Variants in DDX50 observed in about 807,000 individuals in gnomAD.
DDX50 encodes the protein ATP-dependent RNA helicase DDX50.
In DDX50, 56 loss-of-function variants were observed where a neutral mutation model predicts 94.8. That is an observed-to-expected ratio of 0.59 (90% CI 0.48 to 0.74). The LOEUF (loss-of-function observed/expected upper bound fraction) is 0.74. Among genes scored for constraint, DDX50 ranks in the 30% least tolerant of loss-of-function variants. The probability of loss-of-function intolerance (pLI) is 0.00; values close to 1 mark genes in which losing one functional copy is unlikely to be tolerated. For synonymous variants in DDX50, 264 were observed against 295.4 expected, an observed-to-expected ratio of 0.89 and a Z score of 1.09; for missense variants, 713 against 881.2, an observed-to-expected ratio of 0.81 and a Z score of 2.42.
At position 68,946,511 on chromosome 10, in the gene DDX50, G is replaced by A. The variant is rs765452017; in HGVS notation, c.2095G>A (p.Gly699Ser). ...AGGCCGGTCAGGTGGTCGATCTGGC[G>A]GCCGGTCAGGTAGACAGAGTCGACA... is the stretch of plus-strand genomic sequence containing the variant. Reference protein sequence around the residue: ...RSGRSGGRSGGRSGRQSRQGS... With the variant: ...RSGRSGGRSGSRSGRQSRQGS... The change falls in exon 15 of 15, where the codon GGC becomes AGC. Residue 699 changes from glycine (G) to serine (S), a missense_variant. By Grantham distance (56) the Gly-to-Ser change is moderately conservative (BLOSUM62 0). Around this residue, in one of 2 missense-constraint regions of DDX50, gnomAD observed 428 missense variants for 602.3 expected, o/e 0.71. Transcript: ENST00000373585. 1.4e-5 allele frequency: 23 copies of A among 1,614,060 alleles called. No homozygotes were observed. Among genetic ancestry groups the A allele is most frequent in the African/African-American group, 1.1e-4 (8 of 74,932 alleles).
At position 68,934,886 on chromosome 10, in the gene DDX50, A is replaced by G. The variant is rs1470646492; in HGVS notation, c.1489A>G (p.Arg497Gly). ...ICICFYQPRE[R>G]GQLRYVEQKA... ...TATATGTTTTTATCAACCAAGAGAA[A>G]GAGGTCAACTAAGATATGTGGAACA... is the stretch of plus-strand genomic sequence containing the variant. Residue 497 changes from arginine (R) to glycine (G), a missense_variant, in exon 10 of 15, where the codon AGA becomes GGA. Transcript: ENST00000373585. The surrounding 1 kb of genome is among the most constrained non-coding windows in gnomAD (Gnocchi z 4.0). 1.2e-6 allele frequency: 2 copies of G among 1,613,280 alleles called. No homozygotes were observed. Among genetic ancestry groups the G allele is most frequent in the Non-Finnish European group, 1.7e-6 (2 of 1,179,554 alleles).
Position 68,925,968 on chromosome 10 carries a change from C to T in DDX50, c.1239+5987C>T, listed in dbSNP as rs1466582250. Among the ~76,000 whole-genome samples, 9 of 147,188 alleles carry T rather than the reference C, an allele frequency of 6.1e-5. No individual in the cohort carries two copies. The East Asian group carries it at 6.3e-4, about 10-fold the overall frequency. On this transcript the variant is annotated intron_variant, in intron 8 of 14. Coordinates refer to ENST00000373585, the MANE Select transcript of DDX50 (RefSeq NM_024045.2). ...GGCAGAGGTTGCAGTGAGCCGAGAT[C>T]GCGCCATTGCACTCCATCCTGGGCA...
chr10:68,908,637 C>CTT (rs1157178909), intron 2 of DDX50, among the ~76,000 whole-genome samples: 2,358 of 95,788 alleles, frequency 0.025, 100 homozygotes, highest in Non-Finnish European at 0.039. Flanking sequence ...TTAAAATTTC[C>CTT]TTTTTTTTTT....
chr10:68,924,107 G>A (rs1475672851), intron 8 of DDX50, among the ~76,000 whole-genome samples: 1 of 150,910 alleles, frequency 6.6e-6, no homozygotes, highest in African/African-American at 2.4e-5. Context: ...AGAGTTGCTG[G>A]GATTATAGTC....
intron 1 of DDX50, among the ~76,000 whole-genome samples, chr10:68,902,173 C>T (rs1841307874): frequency 6.9e-6 from 1 of 145,450 alleles, no homozygotes; most frequent in Non-Finnish European, 1.5e-5. Flanking sequence ...CTTTCCTCCT[C>T]CCAGCCCCCT....
rs562728640 is a variant in DDX50 at position 68,919,123 on chromosome 10, T to C, written c.1090-709T>C. Among the ~76,000 whole-genome samples, 4 of 152,314 alleles carry C rather than the reference T, an allele frequency of 2.6e-5. No individual in the cohort carries two copies. The East Asian group carries it at 7.7e-4, about 29-fold the overall frequency. On this transcript the variant is annotated intron_variant, in intron 7 of 14. Transcript: ENST00000373585. ...ACCCTAGGTTTGTGTAAGTACACTC[T>C]TTGATGTTTGCGTAATGATGAAGCT...
chr10:68,935,192 G>GTGCAGCAT (rs1842375198), intron 10 of DDX50, among the ~76,000 whole-genome samples: 2 of 152,040 alleles, frequency 1.3e-5, no homozygotes, highest in South Asian at 4.1e-4. Flanking sequence ...GTACTTCTTA[G>GTGCAGCAT]TGTAAATGGG....
chr10:68,946,688 T>C lies in DDX50; in HGVS notation c.*58T>C. 3 of 1,553,414 alleles carry C rather than the reference T, an allele frequency of 1.9e-6. No individual in the cohort carries two copies. In the South Asian group the frequency reaches 3.6e-5, roughly 19 times the overall value. On this transcript the variant is annotated 3_prime_UTR_variant, in exon 15 of 15. Coordinates refer to ENST00000373585, the MANE Select transcript of DDX50 (RefSeq NM_024045.2). ...GCCTATTTCTGCCTAATCATGTACA[T>C]TATCCACCAAAAATTAGGTCATCAT... is the stretch of plus-strand genomic sequence containing the variant.
At chr10:68,912,445 C>T (rs1841654521) in intron 4 of DDX50, among the ~76,000 whole-genome samples, 1 of 152,114 alleles carries the variant, frequency 6.6e-6, no homozygotes, top group Non-Finnish European at 1.5e-5. Flanking sequence ...AACTCCTGGC[C>T]TCAAGTGATC....
intron 14 of DDX50, among the ~76,000 whole-genome samples, chr10:68,945,594 A>G (rs1280292968): frequency 2.6e-5 from 4 of 152,178 alleles, no homozygotes; most frequent in African/African-American, 9.7e-5. Flanking sequence ...GACATGAGCT[A>G]CTGTGCCCGG....
chr10:68,913,570 A>G lies in DDX50; in HGVS notation c.937A>G (p.Lys313Glu), dbSNP rs1460880496. The G allele has an allele frequency of 6.2e-7, 1 of 1,611,888 alleles. No homozygotes were observed. The highest frequency in any genetic ancestry group is 2.2e-5 in the East Asian group (1 of 44,846). ...QVEDIIHESY[K>E]TDSEDNPQTL... is the part of the protein sequence containing the mutation. ...TGAAGATATTATTCATGAATCCTAC[A>G]AAACTGGTATATCCTAATTCAAAAT... The change falls in exon 6 of 15, where the codon AAA becomes GAA. Residue 313 changes from lysine (K) to glutamate (E), a missense_variant. Lys to Glu is a moderately conservative substitution (Grantham distance 56, BLOSUM62 1). This residue lies in a region of DDX50 where 428 missense variants were observed against 602.3 expected (regional missense o/e 0.71). Coordinates refer to ENST00000373585, the MANE Select transcript of DDX50 (RefSeq NM_024045.2).
chr10:68,929,347 C>T (rs1842184938), intron 8 of DDX50, among the ~76,000 whole-genome samples: 1 of 149,262 alleles, frequency 6.7e-6, no homozygotes, highest in Non-Finnish European at 1.5e-5. Flanking sequence ...TTCCTTCCTT[C>T]CTTCTTTCCT....
intron 3 of DDX50, 57 bp from the exon 4 acceptor site, chr10:68,911,011 A>G (rs1248453377): frequency 1.6e-6 from 2 of 1,254,356 alleles, no homozygotes; most frequent in Admixed American, 2.7e-5. Flanking sequence ...TCAAATGAAT[A>G]TATTTTTTCC....
intron 8 of DDX50, among the ~76,000 whole-genome samples, chr10:68,924,274 AT>A (rs937340458): frequency 6.6e-4 from 97 of 146,702 alleles, no homozygotes; most frequent in South Asian, 8.6e-4. Flanking sequence ...GTCTGCCAAA[AT>A]TTTTTTTTTT....
intron 8 of DDX50, among the ~76,000 whole-genome samples, chr10:68,920,314 ACAATGCCCAGCT>A (rs1478890829): frequency 6.6e-6 from 1 of 151,956 alleles, no homozygotes; most frequent in Non-Finnish European, 1.5e-5. Context: ...GGTGCGTGCC[ACAATGCCCAGCT>A]CATTTTTTGC....
At chr10:68,902,289 G>GA (rs1564596675) in intron 1 of DDX50, among the ~76,000 whole-genome samples, 1 of 151,372 alleles carries the variant, frequency 6.6e-6, no homozygotes, top group African/African-American at 2.4e-5. Flanking sequence ...TATTACTGGA[G>GA]ACATTTGACC....
At chr10:68,932,609 A>G (rs1324082257) in intron 8 of DDX50, among the ~76,000 whole-genome samples, 1 of 152,166 alleles carries the variant, frequency 6.6e-6, no homozygotes. Flanking sequence ...CAGGAATACT[A>G]GGAAGTGTAT....
chr10:68,910,234 G>T, intron 2 of DDX50, 73 bp from the exon 3 acceptor site: 1 of 1,239,986 alleles, frequency 8.1e-7, no homozygotes, highest in Non-Finnish European at 1.1e-6. Context: ...AAGTTAATCT[G>T]TAAAAAATTA....
At chr10:68,936,418 G>T (rs1256918899) in intron 11 of DDX50, among the ~76,000 whole-genome samples, 1 of 146,552 alleles carries the variant, frequency 6.8e-6, no homozygotes, top group Non-Finnish European at 1.5e-5. Context: ...GAACCTGGGG[G>T]GCGGAGCTTG....
Sources: gnomAD v4.1 joint callset for allele counts (sites outside exome capture counted in the v4.1 genomes callset) on GRCh38, gnomAD v4.1.1 for gene constraint, gnomAD v4.1.1 regional missense constraint, Gnocchi (gnomAD v3.1) non-coding constraint, MANE v1.5 for transcripts, NCBI Gene and HGNC (gene_info 2026-07-23, HGNC 2026-07-21) for gene names.